Variants in DMXL1 observed in about 807,000 individuals in gnomAD.
DMXL1 encodes Dmx like 1, also known as dmX-like protein 1.
In DMXL1, 99 loss-of-function variants were observed where a neutral mutation model predicts 319.2. The ratio of observed to expected loss-of-function variants is 0.31; its 90% confidence interval spans 0.26 to 0.37. The LOEUF (loss-of-function observed/expected upper bound fraction) is 0.37. DMXL1 is among the 10% of genes least tolerant of loss of function. The pLI is 1.00. For synonymous variants in DMXL1, 1,385 were observed against 1,235.2 expected, an observed-to-expected ratio of 1.12 and a Z score of -2.54; for missense variants, 3,745 against 3,595.6, an observed-to-expected ratio of 1.04 and a Z score of -1.06.
At chr5:119,098,569 T>G (rs911991359) in intron 2 of DMXL1, among the ~76,000 whole-genome samples, 1 of 152,126 alleles carries the variant, frequency 6.6e-6, no homozygotes. Flanking sequence ...TCTAAGCCCA[T>G]AAGAAAAGTG....
At chr5:119,207,850 A>G (rs1782033691) in intron 34 of DMXL1, among the ~76,000 whole-genome samples, 1 of 152,188 alleles carries the variant, frequency 6.6e-6, no homozygotes, top group South Asian at 2.1e-4. Context: ...TGAGGTTAAT[A>G]TTTAACTCAT....
intron 34 of DMXL1, among the ~76,000 whole-genome samples, chr5:119,210,108 C>T (rs1782486026): frequency 6.6e-6 from 1 of 151,992 alleles, no homozygotes; most frequent in African/African-American, 2.4e-5. Context: ...ACACACCCGG[C>T]TAATTTTTAT....
Position 119,240,558 on chromosome 5 carries a change from C to T in DMXL1, c.8704+87C>T, listed in dbSNP as rs140078941. The T allele has an allele frequency of 7.8e-4, 761 of 978,078 alleles. 5 individuals carry two copies. In the African/African-American group the frequency reaches 0.01, roughly 13 times the overall value. The allele number at this position is 978,078 out of a possible 1,614,324, so 60.6% of individuals were successfully genotyped here. A position where few individuals can be genotyped will look rare whatever the true frequency, so the allele number is the denominator to read the frequency against. On this transcript the variant is annotated intron_variant, in intron 42 of 43. Coordinates refer to ENST00000539542, the MANE Select transcript of DMXL1 (RefSeq NM_001290321.3). ...TTATAAGTGGATTTGTTACTGATGACACATATATTTATTAACCCATGAGAT... is the reference window on the plus strand; with the variant it reads ...TTATAAGTGGATTTGTTACTGATGATACATATATTTATTAACCCATGAGAT...
At chr5:119,091,635 G>A (rs1306470889) in intron 1 of DMXL1, among the ~76,000 whole-genome samples, 1 of 152,134 alleles carries the variant, frequency 6.6e-6, no homozygotes, top group Non-Finnish European at 1.5e-5. Context: ...CTAAGCCACT[G>A]CCCCTTTTTA....
Position 119,092,133 on chromosome 5 carries a change from TTTGTCTTTTTTCATTTCTGAAAA to T in DMXL1, c.88-5830_88-5808del, listed in dbSNP as rs530019458. On this transcript the variant is annotated intron_variant, in intron 1 of 43. Transcript: ENST00000539542. ...GGGGTGTTGTGAATGTGGAAGTCTCTTTGTCTTTTTTCATTTCTGAAAATTGTCTTTTTTCATTCCTGTGGCCC... is the reference window on the plus strand; with the variant it reads ...GGGGTGTTGTGAATGTGGAAGTCTCTTTGTCTTTTTTCATTCCTGTGGCCC... 2.0e-4 allele frequency among the ~76,000 whole-genome samples: 30 copies of T among 152,290 alleles called. 1 individual carries two copies. The South Asian group carries it at 6.2e-3, about 32-fold the overall frequency.
At chr5:119,179,117 T>C (rs760851274) in intron 28 of DMXL1, among the ~76,000 whole-genome samples, 2 of 152,132 alleles carry the variant, frequency 1.3e-5, no homozygotes, top group Non-Finnish European at 2.9e-5. Flanking sequence ...TTTTAAACAA[T>C]TGTATCCCCG....
intron 41 of DMXL1, 150 bp downstream of exon 41, chr5:119,239,230 C>A: frequency 1.2e-6 from 1 of 841,272 alleles, no homozygotes; most frequent in African/African-American, 1.7e-5. Flanking sequence ...CATGTTATTC[C>A]AGCCCCACCC....
chr5:119,130,229 C>T (rs1764545905), intron 10 of DMXL1, among the ~76,000 whole-genome samples: 1 of 152,062 alleles, frequency 6.6e-6, no homozygotes, highest in Admixed American at 6.6e-5. Flanking sequence ...AGTATCCTTC[C>T]AGTTTGATTC....
intron 19 of DMXL1, among the ~76,000 whole-genome samples, chr5:119,155,251 A>G (rs979138446): frequency 1.3e-4 from 20 of 152,236 alleles, no homozygotes; most frequent in African/African-American, 3.9e-4. Flanking sequence ...TCATAAGGCT[A>G]TAGCTGCTAT....
chr5:119,173,776 G>GTGTGTGTGTATATATATATATATATA, intron 25 of DMXL1, among the ~76,000 whole-genome samples: 10 of 67,172 alleles, frequency 1.5e-4, no homozygotes, highest in African/African-American at 5.6e-4. Flanking sequence ...ATGTGTGTGT[G>GTGTGTGTGTATATATATATATATATA]TATATATATA....
Position 119,089,999 on chromosome 5 carries a change from C to CTTTTTTTTTTTTTTT in DMXL1, c.88-7956_88-7942dup, listed in dbSNP as rs70982467. ...TGATTATTTTATGCTTCGGGTTAGT[C>CTTTTTTTTTTTTTTT]TTTTTTTTTTTTTTTTTTTTTTTTT... is the stretch of plus-strand genomic sequence containing the variant. On this transcript the variant is annotated intron_variant, in intron 1 of 43. Coordinates refer to ENST00000539542, the MANE Select transcript of DMXL1 (RefSeq NM_001290321.3). 1.1e-3 allele frequency among the ~76,000 whole-genome samples: 38 copies of CTTTTTTTTTTTTTTT among 34,402 alleles called. 13 individuals carry two copies. The highest frequency in any genetic ancestry group is 1.3e-3 in the Non-Finnish European group (25 of 18,760). 22.6% of individuals were successfully genotyped at this position (34,402 alleles called of 152,430 possible). A position where few individuals can be genotyped will look rare whatever the true frequency, so the allele number is the denominator to read the frequency against.
rs1561853776 is a variant in DMXL1, at chr5:119,197,822, T to C, written c.7611T>C (p.Leu2537=). The C allele has an allele frequency of 1.2e-6, 2 of 1,614,068 alleles. No individual in the cohort carries two copies. Among genetic ancestry groups the C allele is most frequent in the Admixed American group, 1.7e-5 (1 of 60,004 alleles). ...LKTLQCWEQV[L]LRRLEIHGGP... The stretch of plus-strand genomic sequence containing the variant: ...CTCTTCAATGTTGGGAACAAGTTCT[T>C]CTCCGACGACTTGAAATCCATGGTG... The change falls in exon 32 of 44, where the codon CTT becomes CTC. Residue 2537 remains leucine (L), a synonymous_variant. Coordinates refer to ENST00000539542, the MANE Select transcript of DMXL1 (RefSeq NM_001290321.3).
chr5:119,174,668 C>CTCAG (rs1359749020), intron 25 of DMXL1, among the ~76,000 whole-genome samples: 6 of 152,210 alleles, frequency 3.9e-5, no homozygotes, highest in African/African-American at 1.4e-4. Context: ...CTCCTTCATC[C>CTCAG]TCAGTTCTGC....
rs1288738946 is a variant in DMXL1 at position 119,170,654 on chromosome 5, C to A, written c.5863C>A (p.Pro1955Thr). The change falls in exon 24 of 44, where the codon CCA becomes ACA. Residue 1955 changes from proline to threonine, a missense_variant. This residue lies in a region of DMXL1 where 1,382 missense variants were observed against 1,269.5 expected (regional missense o/e 1.09). Coordinates refer to ENST00000539542, the MANE Select transcript of DMXL1 (RefSeq NM_001290321.3). The stretch of plus-strand genomic sequence containing the variant: ...CACTCTTTCTTTTGACTGGAGCCAA[C>A]CAAGTGTTGTGTTTCAGGATGACTC... ...NSTLSFDWSQ[P>T]SVVFQDDSLE... 6.2e-7 allele frequency: 1 copy of A among 1,613,366 alleles called. No homozygotes were observed. The highest frequency in any genetic ancestry group is 8.5e-7 in the Non-Finnish European group (1 of 1,179,886).
intron 31 of DMXL1, among the ~76,000 whole-genome samples, chr5:119,196,746 A>C (rs902823695): frequency 2.6e-5 from 4 of 152,128 alleles, no homozygotes; most frequent in Non-Finnish European, 5.9e-5. Flanking sequence ...TACAATGGAG[A>C]GAAAACTAAG....
intron 39 of DMXL1, among the ~76,000 whole-genome samples, chr5:119,235,086 T>C (rs1209921411): frequency 6.6e-6 from 1 of 152,110 alleles, no homozygotes; most frequent in East Asian, 1.9e-4. Context: ...CTATCTCTTC[T>C]AGTAGGGAAG....
intron 4 of DMXL1, among the ~76,000 whole-genome samples, chr5:119,107,803 G>A (rs914185999): frequency 2.0e-5 from 3 of 151,962 alleles, no homozygotes; most frequent in African/African-American, 7.2e-5. Context: ...TTTGGCCCCT[G>A]TCTATGAAAC....
intron 38 of DMXL1, among the ~76,000 whole-genome samples, chr5:119,228,527 G>A (rs1581442695): frequency 6.6e-6 from 1 of 152,214 alleles, no homozygotes; most frequent in South Asian, 2.1e-4. Flanking sequence ...TTATCTAATA[G>A]TATATACCCA....
chr5:119,107,183 T>G (rs930012121), intron 4 of DMXL1, among the ~76,000 whole-genome samples: 1 of 151,614 alleles, frequency 6.6e-6, no homozygotes, highest in Non-Finnish European at 1.5e-5. Flanking sequence ...CAAAAAAATT[T>G]TTGAAAAGTT....
Sources: allele counts gnomAD v4.1 joint callset (sites outside exome capture counted in the v4.1 genomes callset), GRCh38; gene constraint gnomAD v4.1.1; regional missense constraint gnomAD v4.1.1; transcripts MANE v1.5; gene names NCBI Gene and HGNC (gene_info 2026-07-23, HGNC 2026-07-21).